RCAN2: variants seen among roughly 807,000 people sequenced by gnomAD.
RCAN2 encodes the protein calcipressin-2.
In RCAN2, 9 loss-of-function variants were observed where a neutral mutation model predicts 23.6. The ratio of observed to expected loss-of-function variants is 0.38; its 90% CI spans 0.23 to 0.67. The LOEUF (loss-of-function observed/expected upper bound fraction) is 0.67. Among genes scored for constraint, RCAN2 ranks in the 30% least tolerant of loss-of-function variants. RCAN2 has a pLI of 0.51. For synonymous variants in RCAN2, 109 were observed against 115.7 expected (o/e 0.94, Z 0.37); for missense variants, 273 against 302.3 (o/e 0.90, Z 0.72).
At chr6:46,373,979 A>C (rs576831569) in intron 2 of RCAN2, among the ~76,000 whole-genome samples, 1 of 152,258 alleles carries the variant, frequency 6.6e-6, no homozygotes, top group Non-Finnish European at 1.5e-5. Context: ...TACCATGTCA[A>C]CCCAGCACTT....
rs980162569 is a variant in RCAN2 at position 46,300,467 on chromosome 6, A to G, written c.226-51571T>C. 2.6e-5 allele frequency among the ~76,000 whole-genome samples: 4 copies of G among 152,038 alleles called. 1 individual carries two copies. Among genetic ancestry groups the G allele is most frequent in the African/African-American group, 9.7e-5 (4 of 41,448 alleles). On this transcript the variant is annotated intron_variant, in intron 2 of 4. Transcript: ENST00000371374. ...TAAAATTTAAAAATACACAATGGCC[A>G]TATCTATATCTAAATCTCTTTAACT...
intron 4 of RCAN2, among the ~76,000 whole-genome samples, chr6:46,240,993 G>A (rs992983910): frequency 6.6e-6 from 1 of 152,014 alleles, no homozygotes; most frequent in Non-Finnish European, 1.5e-5. Context: ...AATAGCAGGA[G>A]GAAAAAAAAG....
At chr6:46,417,414 G>C (rs1055111530) in intron 2 of RCAN2, among the ~76,000 whole-genome samples, 1 of 152,140 alleles carries the variant, frequency 6.6e-6, no homozygotes, top group African/African-American at 2.4e-5. Flanking sequence ...TGATTAAAAA[G>C]TCAATAAAGA....
intron 2 of RCAN2, among the ~76,000 whole-genome samples, chr6:46,263,333 C>T (rs1428795403): frequency 2.0e-5 from 3 of 152,090 alleles, no homozygotes; most frequent in African/African-American, 4.8e-5. Context: ...AATTTCTTCT[C>T]GGAAGTCTTT....
chr6:46,280,010 G>A (rs1469577641), intron 2 of RCAN2, among the ~76,000 whole-genome samples: 1 of 152,192 alleles, frequency 6.6e-6, no homozygotes, highest in Non-Finnish European at 1.5e-5. Flanking sequence ...ATGGCACAGA[G>A]TGATTCAGAG....
chr6:46,468,726 A>T, intron 1 of RCAN2: 437 of 423,012 alleles, frequency 1.0e-3, no homozygotes, highest in Non-Finnish European at 1.3e-3. Flanking sequence ...ATACCCTCAG[A>T]TTCCCTCTCT....
rs151307030 is a variant in RCAN2, at chr6:46,462,336, C to T, written c.-2-5358G>A. Among the ~76,000 whole-genome samples the T allele has an allele frequency of 2.1e-3, 313 of 152,218 alleles. 2 individuals are homozygous for T. The highest frequency in any genetic ancestry group is 6.3e-3 in the African/African-American group (262 of 41,542). On this transcript the variant is annotated intron_variant, in intron 1 of 4. Coordinates refer to ENST00000371374, the MANE Select transcript of RCAN2 (RefSeq NM_001251974.2). ...ATGACAGTTTATTTAAATGTTAGAA[C>T]GTTAATGGCAATGAAGACATAGACA...
chr6:46,359,792 G>C (rs921110341), intron 2 of RCAN2, among the ~76,000 whole-genome samples: 9 of 152,140 alleles, frequency 5.9e-5, no homozygotes, highest in Non-Finnish European at 1.0e-4. Flanking sequence ...TATCCTGTTT[G>C]TGTGATCATA....
At chr6:46,231,848 G>T (rs1334161015) in intron 4 of RCAN2, among the ~76,000 whole-genome samples, 1 of 152,118 alleles carries the variant, frequency 6.6e-6, no homozygotes, top group Non-Finnish European at 1.5e-5. Context: ...TAGAGTAAAG[G>T]CTTTCCTGGG....
chr6:46,459,002 C>T (rs764855145), intron 1 of RCAN2, among the ~76,000 whole-genome samples: 2 of 152,252 alleles, frequency 1.3e-5, no homozygotes, highest in African/African-American at 4.8e-5. Context: ...AGTGATTCTC[C>T]TGCCTCAGCC....
At chr6:46,248,451 T>A (rs979218100) in intron 3 of RCAN2, among the ~76,000 whole-genome samples, 1 of 152,104 alleles carries the variant, frequency 6.6e-6, no homozygotes, top group South Asian at 2.1e-4. Flanking sequence ...CATAACAGTA[T>A]GGGGTGTAGA....
Position 46,456,970 on chromosome 6 carries a change from C to G in RCAN2, c.7G>C (p.Gly3Arg). 6.5e-7 allele frequency: 1 copy of G among 1,549,338 alleles called. No homozygotes were observed. Among genetic ancestry groups the G allele is most frequent in the Non-Finnish European group, 8.7e-7 (1 of 1,145,772 alleles). MR[G>R]ESYFIGMRSP... ...CTCATTCCGATGAAGTATGATTCTC[C>G]CCTCATTCCTGGGGATACAAAGATG... The change falls in exon 2 of 5, where the codon GGA becomes CGA. Residue 3 changes from glycine to arginine, a missense_variant. Physicochemically the swap from Gly to Arg is moderately radical, Grantham distance 125. Coordinates refer to ENST00000371374, the MANE Select transcript of RCAN2 (RefSeq NM_001251974.2).
At chr6:46,478,484 C>A (rs1183740023) in intron 1 of RCAN2, among the ~76,000 whole-genome samples, 1 of 152,152 alleles carries the variant, frequency 6.6e-6, no homozygotes, top group East Asian at 1.9e-4. Flanking sequence ...CTGGGCTACC[C>A]AAGATTGGCA....
chr6:46,233,886 C>G (rs1475356945), intron 4 of RCAN2, among the ~76,000 whole-genome samples: 3 of 152,052 alleles, frequency 2.0e-5, no homozygotes, highest in African/African-American at 7.2e-5. Context: ...TACGATCACA[C>G]CCGGCTAATT....
intron 2 of RCAN2, among the ~76,000 whole-genome samples, chr6:46,381,987 A>T (rs1234345386): frequency 6.6e-6 from 1 of 152,156 alleles, no homozygotes; most frequent in Non-Finnish European, 1.5e-5. Context: ...GAACACAAGG[A>T]GCTGCCTGGA....
At chr6:46,352,770 GA>G (rs1203223289) in intron 2 of RCAN2, among the ~76,000 whole-genome samples, 5 of 151,890 alleles carry the variant, frequency 3.3e-5, no homozygotes, top group Non-Finnish European at 7.4e-5. Context: ...GGAATCAGGG[GA>G]AAAAAAGGTC....
At chr6:46,402,008 C>T (rs779414514) in intron 2 of RCAN2, among the ~76,000 whole-genome samples, 2 of 152,088 alleles carry the variant, frequency 1.3e-5, no homozygotes, top group East Asian at 1.9e-4. Context: ...AAAACACCAT[C>T]GAGAGTCTGA....
chr6:46,412,990 A>G (rs1766591405), intron 2 of RCAN2, among the ~76,000 whole-genome samples: 1 of 152,196 alleles, frequency 6.6e-6, no homozygotes, highest in Non-Finnish European at 1.5e-5. Flanking sequence ...TTGTGTTCTT[A>G]TGTTTACTCT....
At chr6:46,358,102 G>A (rs922776049) in intron 2 of RCAN2, among the ~76,000 whole-genome samples, 6 of 152,090 alleles carry the variant, frequency 3.9e-5, no homozygotes, top group Non-Finnish European at 5.9e-5. Flanking sequence ...TTATAATCCC[G>A]GTGACGCCCT....
Sources: allele counts gnomAD v4.1 joint callset (sites outside exome capture counted in the v4.1 genomes callset), GRCh38; gene constraint gnomAD v4.1.1; transcripts MANE v1.5; gene names NCBI Gene and HGNC (gene_info 2026-07-23, HGNC 2026-07-21).